ACER1: variants seen among roughly 807,000 people sequenced by gnomAD.
ACER1 encodes the protein alkaline ceramidase 1, also known as CTB-180A7.3.
Under a neutral mutation model 24.9 loss-of-function variants are expected in ACER1, and 28 were observed. That is an observed-to-expected ratio of 1.13 (90% CI 0.83 to 1.54). The LOEUF (loss-of-function observed/expected upper bound fraction) is 1.54. ACER1 is among the 40% of genes most tolerant of loss of function. ACER1 has a pLI of 0.00. For synonymous variants in ACER1, 132 were observed against 131.4 expected, an observed-to-expected ratio of 1.00 and a Z score of -0.03; for missense variants, 352 against 349.3, an observed-to-expected ratio of 1.01 and a Z score of -0.06.
intron 3 of ACER1, 136 bp downstream of exon 3, chr19:6,312,013 C>T (rs1287089489): frequency 4.1e-6 from 5 of 1,227,588 alleles, no homozygotes; most frequent in Admixed American, 2.9e-5. Context: ...GGAGAAAACC[C>T]GAAGTGGTCA....
chr19:6,313,002 A>G (rs2091589360), intron 1 of ACER1, among the ~76,000 whole-genome samples: 2 of 152,090 alleles, frequency 1.3e-5, no homozygotes, highest in Admixed American at 1.3e-4. Context: ...CTTGACCATC[A>G]GCTGGTCATC....
intron 4 of ACER1, 75 bp from the exon 5 acceptor site, chr19:6,307,365 T>A (rs1468931556): frequency 5.9e-6 from 9 of 1,533,780 alleles, no homozygotes; most frequent in Non-Finnish European, 8.0e-6. Context: ...AATTCCTCCT[T>A]CCACAGTGAT....
In ACER1 at chr19:6,333,451, G is replaced by T. The variant is rs76964030; in HGVS notation, c.93+8C>A. The T allele has an allele frequency of 6.3e-7, 1 of 1,579,932 alleles. No individual in the cohort carries two copies. Among genetic ancestry groups the T allele is most frequent in the Non-Finnish European group, 8.6e-7 (1 of 1,161,474 alleles). On this transcript the variant is annotated splice_region_variant and intron_variant, in intron 1 of 5. Coordinates refer to ENST00000301452, the MANE Select transcript of ACER1 (RefSeq NM_133492.3). ...TGGCGAGACTCCTTCACACACCCAC[G>T]CACTCACCGTGTTGTAGAACTCGGC...
intron 1 of ACER1, 43 bp from the exon 2 acceptor site, chr19:6,312,542 G>T (rs371943752): frequency 6.7e-7 from 1 of 1,498,978 alleles, no homozygotes; most frequent in Non-Finnish European, 9.3e-7. Flanking sequence ...TCAGATAGGG[G>T]AGACGGAGGA....
chr19:6,306,704 C>T lies in ACER1; in HGVS notation c.*10G>A, dbSNP rs1464737004. 3 of 1,595,722 alleles carry T rather than the reference C, an allele frequency of 1.9e-6. No individual in the cohort carries two copies. The African/African-American group carries it at 4.0e-5, about 21-fold the overall frequency. On this transcript the variant is annotated 3_prime_UTR_variant, in exon 6 of 6. Transcript: ENST00000301452. ...GTTGGGTGGTTGGATAGTCAAGAGG[C>T]TGGCAGGTCTCAGCAGTCCTTGTCA...
chr19:6,312,899 A>G (rs2091588949), intron 1 of ACER1, among the ~76,000 whole-genome samples: 1 of 150,202 alleles, frequency 6.7e-6, no homozygotes, highest in East Asian at 2.0e-4. Flanking sequence ...CTGCTCTTGA[A>G]CTCCTGACCT....
chr19:6,341,995 T>A, the ACER1 span, among the ~76,000 whole-genome samples: 1 of 152,212 alleles, frequency 6.6e-6, no homozygotes, highest in Non-Finnish European at 1.5e-5. Flanking sequence ...AATATAAAAT[T>A]TCCTTTTGAA....
At chr19:6,333,693 TC>T, upstream of ACER1, 1 of 627,586 alleles carries the variant, frequency 1.6e-6, no homozygotes, top group Non-Finnish European at 2.7e-6. Flanking sequence ...GCTGGGCCGC[TC>T]CCCAGTTGCA....
chr19:6,333,541 A>G lies in ACER1; in HGVS notation c.11T>C (p.Ile4Thr), dbSNP rs1468596408. 6.3e-6 allele frequency: 10 copies of G among 1,582,810 alleles called. No individual in the cohort carries two copies. The highest frequency in any genetic ancestry group is 1.2e-5 in the South Asian group (1 of 86,904). The change falls in exon 1 of 6, where the codon ATC (isoleucine) becomes ACC (threonine). Residue 4 changes from isoleucine to threonine, a missense_variant. Physicochemically the swap from Ile to Thr is moderately conservative, Grantham distance 89. Transcript: ENST00000301452. ...CACCTCGGAGCTCTGATAGGCGAAGATGCTAGGCATCTTGTCTCAGTGGCC... is the reference window on the plus strand; with the variant it reads ...CACCTCGGAGCTCTGATAGGCGAAGGTGCTAGGCATCTTGTCTCAGTGGCC... MPS[I>T]FAYQSSEVDW...
chr19:6,312,803 G>C (rs2091588557), intron 1 of ACER1, among the ~76,000 whole-genome samples: 1 of 151,768 alleles, frequency 6.6e-6, no homozygotes, highest in East Asian at 1.9e-4. Context: ...AGACTCCCGA[G>C]TAGCTGGGAT....
chr19:6,327,406 A>C (rs574424097), intron 1 of ACER1, among the ~76,000 whole-genome samples: 1 of 152,112 alleles, frequency 6.6e-6, no homozygotes, highest in South Asian at 2.1e-4. Flanking sequence ...TCTACTAAAA[A>C]TACAAAAAAT....
At position 6,306,784 on chromosome 19, in the gene ACER1, T is replaced by A; in HGVS notation, c.725A>T (p.Tyr242Phe). The A allele has an allele frequency of 6.2e-7, 1 of 1,614,146 alleles. No individual in the cohort carries two copies. The highest frequency in any genetic ancestry group is 8.5e-7 in the Non-Finnish European group (1 of 1,179,998). Residue 242 changes from tyrosine (Y) to phenylalanine (F), a missense_variant, in exon 6 of 6, where the codon TAC becomes TTC. Tyr to Phe is a conservative substitution (Grantham distance 22, BLOSUM62 3). Coordinates refer to ENST00000301452, the MANE Select transcript of ACER1 (RefSeq NM_133492.3). Reference sequence around the variant, plus strand: ...CACGGGCCAACTGTCCCGAGGCCAGTAGCGGACTTTGAGGGTTTCACCTGG... The same window carrying A: ...CACGGGCCAACTGTCCCGAGGCCAGAAGCGGACTTTGAGGGTTTCACCTGG... ...EMPGETLKVRYWPRDSWPVGL... is the reference protein window; with the variant it reads ...EMPGETLKVRFWPRDSWPVGL...
upstream of ACER1, chr19:6,333,645 C>CCCG: frequency 4.7e-6 from 5 of 1,074,788 alleles, no homozygotes; most frequent in South Asian, 7.6e-5. Context: ...AGAGGACAGC[C>CCCG]CGGTGCCCCG....
At chr19:6,327,451 G>C (rs1463418727) in intron 1 of ACER1, among the ~76,000 whole-genome samples, 1 of 152,164 alleles carries the variant, frequency 6.6e-6, no homozygotes, top group East Asian at 1.9e-4. Flanking sequence ...TGTAGTCCCA[G>C]CTACTCGGGA....
chr19:6,358,655 C>G, the ACER1 span, among the ~76,000 whole-genome samples: 6 of 149,452 alleles, frequency 4.0e-5, no homozygotes, highest in African/African-American at 7.4e-5. Context: ...GTCCAGTGGC[C>G]GGGCGCAGTG....
chr19:6,337,297 T>C (rs1600248063), upstream of ACER1, among the ~76,000 whole-genome samples: 1 of 152,222 alleles, frequency 6.6e-6, no homozygotes, highest in East Asian at 1.9e-4. Context: ...CTTAATGACT[T>C]TGACAAAAAA....
chr19:6,338,363 T>G (rs1293555439), upstream of ACER1, among the ~76,000 whole-genome samples: 1 of 152,208 alleles, frequency 6.6e-6, no homozygotes, highest in Non-Finnish European at 1.5e-5. Flanking sequence ...ATTGCATAGA[T>G]TTGCTCCCAT....
At chr19:6,344,385 T>C in the ACER1 span, among the ~76,000 whole-genome samples, 2 of 151,748 alleles carry the variant, frequency 1.3e-5, no homozygotes, top group African/African-American at 4.8e-5. Flanking sequence ...GAGGTTGCAG[T>C]GAGCCAAGAT....
rs866014822 is a variant in ACER1, at chr19:6,306,474, G to A, written c.*240C>T. The A allele has an allele frequency of 4.2e-6, 2 of 475,088 alleles. No individual in the cohort carries two copies. Among genetic ancestry groups the A allele is most frequent in the Admixed American group, 3.4e-5 (1 of 29,708 alleles). 29.4% of individuals were successfully genotyped at this position (475,088 alleles called of 1,614,324 possible). A position where few individuals can be genotyped will look rare whatever the true frequency, so the allele number is the denominator to read the frequency against. On this transcript the variant is annotated 3_prime_UTR_variant, in exon 6 of 6. Coordinates refer to ENST00000301452, the MANE Select transcript of ACER1 (RefSeq NM_133492.3). ...CAGAGGAGGAAATGAAAGAGGATGGGGGGGGTCATGGAGGGGAGATGCACG... is the reference window on the plus strand; with the variant it reads ...CAGAGGAGGAAATGAAAGAGGATGGAGGGGGTCATGGAGGGGAGATGCACG...
Sources: allele counts gnomAD v4.1 joint callset (sites outside exome capture counted in the v4.1 genomes callset), GRCh38; gene constraint gnomAD v4.1.1; transcripts MANE v1.5; gene names NCBI Gene and HGNC (gene_info 2026-07-23, HGNC 2026-07-21).